The following INSL6 variants were observed in gnomAD, a reference collection of about 807,000 sequenced individuals.
INSL6 encodes insulin like 6.
A neutral mutation model predicts 9.4 loss-of-function variants in INSL6; 16 were observed. That is an observed-to-expected ratio of 1.70 (90% CI 1.15 to 2.59). The LOEUF (loss-of-function observed/expected upper bound fraction) is 2.59, where lower values mean the gene tolerates loss of function less well. INSL6 is among the 30% of genes most tolerant of loss of function. INSL6 has a pLI of 0.00. For missense variants in INSL6, 391 were observed against 257.3 expected (o/e 1.52, Z -3.56); for synonymous variants, 154 against 96.9 (o/e 1.59, Z -3.46).
the INSL6 span, among the ~76,000 whole-genome samples, chr9:5,012,285 A>G: frequency 6.6e-6 from 1 of 152,142 alleles, no homozygotes; most frequent in African/African-American, 2.4e-5. Context: ...CATTCAGTGT[A>G]TTCCCCTTCT....
At chr9:5,081,698 AG>A in the INSL6 span, 1 of 1,519,070 alleles carries the variant, frequency 6.6e-7, no homozygotes, top group East Asian at 2.3e-5. Flanking sequence ...TGCTAATTTA[AG>A]GTGATAATAT....
At chr9:5,126,740 T>G in intron 3 of INSL6, 3 of 1,611,164 alleles carry the variant, frequency 1.9e-6, no homozygotes, top group Non-Finnish European at 2.5e-6. Flanking sequence ...GCCCCTCCTT[T>G]AGGGATCTAG....
the INSL6 span, among the ~76,000 whole-genome samples, chr9:5,036,897 A>G: frequency 1.3e-5 from 2 of 152,242 alleles, no homozygotes; most frequent in African/African-American, 4.8e-5. Flanking sequence ...CTGCACAGCA[A>G]AAGAAACTAC....
chr9:5,059,664 A>G, the INSL6 span, among the ~76,000 whole-genome samples: 2 of 152,114 alleles, frequency 1.3e-5, no homozygotes, highest in Non-Finnish European at 2.9e-5. Flanking sequence ...CTCTTCTTTC[A>G]GTAATGCATG....
the INSL6 span, chr9:5,080,505 TTC>T: frequency 6.4e-7 from 1 of 1,564,478 alleles, no homozygotes; most frequent in African/African-American, 1.4e-5. Flanking sequence ...ACACAATTTA[TTC>T]TCAGTTTGTG....
At chr9:5,150,920 A>G (rs547410401) in intron 2 of INSL6, among the ~76,000 whole-genome samples, 1 of 151,976 alleles carries the variant, frequency 6.6e-6, no homozygotes, top group Non-Finnish European at 1.5e-5. Context: ...AATAAAATGT[A>G]TTTTGCAGCA....
the INSL6 span, among the ~76,000 whole-genome samples, chr9:5,035,717 G>C: frequency 7.9e-5 from 12 of 152,152 alleles, no homozygotes; most frequent in Non-Finnish European, 1.6e-4. Context: ...ATTAGGTATT[G>C]ATGGGACGTG....
intron 1 of INSL6, among the ~76,000 whole-genome samples, chr9:5,167,163 G>C (rs1383722459): frequency 6.6e-6 from 1 of 152,184 alleles, no homozygotes; most frequent in Non-Finnish European, 1.5e-5. Context: ...AGGGCAAAGG[G>C]AGCTCCCTTC....
the INSL6 span, among the ~76,000 whole-genome samples, chr9:5,117,264 G>A: frequency 6.6e-6 from 1 of 152,210 alleles, no homozygotes. Flanking sequence ...CAGCATACAT[G>A]GACGCCCAGT....
chr9:5,067,653 A>G, the INSL6 span, among the ~76,000 whole-genome samples: 127 of 152,070 alleles, frequency 8.4e-4, no homozygotes, highest in African/African-American at 3.0e-3. Flanking sequence ...TGAATTCAAA[A>G]AAATATATAT....
intron 1 of INSL6, among the ~76,000 whole-genome samples, chr9:5,169,900 T>C (rs1825140247): frequency 6.6e-6 from 1 of 152,106 alleles, no homozygotes; most frequent in South Asian, 2.1e-4. Context: ...GACTTAAGAC[T>C]CCCACACAAT....
the INSL6 span, chr9:5,089,950 G>A: frequency 2.2e-6 from 2 of 894,812 alleles, no homozygotes. Flanking sequence ...TTAACGATCT[G>A]GACTTATGCC....
At chr9:5,009,437 T>G in the INSL6 span, among the ~76,000 whole-genome samples, 1 of 148,622 alleles carries the variant, frequency 6.7e-6, no homozygotes, top group African/African-American at 2.5e-5. Context: ...CTAGTCAGGA[T>G]TTTTTTTTTT....
At chr9:5,136,205 G>C (rs1824384299) in intron 2 of INSL6, among the ~76,000 whole-genome samples, 1 of 152,146 alleles carries the variant, frequency 6.6e-6, no homozygotes, top group African/African-American at 2.4e-5. Flanking sequence ...AAGAGGACCA[G>C]TACCATTCCT....
the INSL6 span, chr9:5,055,924 C>T: frequency 1.4e-6 from 1 of 719,176 alleles, no homozygotes; most frequent in Admixed American, 3.0e-5. Context: ...AACATCAGTT[C>T]AGTAAACTTT....
rs767004053 is a variant in INSL6 at position 5,185,469 on chromosome 9, CAG to C, written c.132_133del (p.Cys45ArgfsTer70). The stretch of plus-strand genomic sequence containing the variant: ...GAACTGGCTCCAGTTGGCATGGCCG[CAG>C]AGTTTTTCTATTTCTTTCACCAAGT... On this transcript the variant is annotated frameshift_variant, in exon 1 of 2. Coordinates refer to ENST00000381641, the MANE Select transcript of INSL6 (RefSeq NM_007179.3). LOFTEE classifies it high-confidence loss of function. 5.6e-6 allele frequency: 9 copies of C among 1,614,192 alleles called. 1 individual carries two copies. Among genetic ancestry groups the C allele is most frequent in the South Asian group, 5.5e-5 (5 of 91,076 alleles).
At chr9:5,119,425 A>C (rs936004434), downstream of INSL6, among the ~76,000 whole-genome samples, 3 of 152,024 alleles carry the variant, frequency 2.0e-5, no homozygotes, top group African/African-American at 7.2e-5. Context: ...TCATAATGAA[A>C]GCCTAAAAAA....
the INSL6 span, among the ~76,000 whole-genome samples, chr9:5,051,584 T>G: frequency 1.3e-5 from 2 of 152,190 alleles, no homozygotes; most frequent in Non-Finnish European, 2.9e-5. Flanking sequence ...CAAATTATTC[T>G]TCTGCATATT....
the INSL6 span, among the ~76,000 whole-genome samples, chr9:5,062,500 TAAAAAAAA>T: frequency 8.6e-5 from 5 of 58,242 alleles, no homozygotes; most frequent in African/African-American, 3.1e-4. Flanking sequence ...CTTCCATTTG[TAAAAAAAA>T]AAAAAAAAAA....
Sources: gnomAD v4.1 joint callset for allele counts (sites outside exome capture counted in the v4.1 genomes callset) on GRCh38, gnomAD v4.1.1 for gene constraint, MANE v1.5 for transcripts, NCBI Gene and HGNC (gene_info 2026-07-23, HGNC 2026-07-21) for gene names.